PLCE1: variants seen among roughly 807,000 people sequenced by gnomAD.
PLCE1 encodes phospholipase C epsilon 1.
A neutral mutation model predicts 242.8 loss-of-function variants in PLCE1; 119 were observed. The observed-to-expected ratio is 0.49, with a 90% CI of 0.42 to 0.57. PLCE1 has a LOEUF of 0.57. Among genes scored for constraint, PLCE1 ranks in the 20% least tolerant of loss-of-function variants. PLCE1 has a pLI of 0.00. For synonymous variants in PLCE1, 945 were observed against 1,017.4 expected (o/e 0.93, Z 1.35); for missense variants, 2,441 against 2,788.8 (o/e 0.88, Z 2.81).
intron 1 of PLCE1, among the ~76,000 whole-genome samples, chr10:94,029,449 A>G (rs1382896916): frequency 6.6e-6 from 1 of 152,174 alleles, no homozygotes; most frequent in Non-Finnish European, 1.5e-5. Context: ...ATATATCTCT[A>G]TGTATGTTGA....
intron 1 of PLCE1, among the ~76,000 whole-genome samples, chr10:94,024,341 C>A (rs2061423291): frequency 2.0e-5 from 3 of 152,136 alleles, no homozygotes. Flanking sequence ...ACTTTAGTGT[C>A]TCTTTTCCGT....
intron 18 of PLCE1, among the ~76,000 whole-genome samples, 159 bp downstream of exon 18, chr10:94,270,761 T>A (rs1441217171): frequency 6.6e-6 from 1 of 151,916 alleles, no homozygotes; most frequent in Non-Finnish European, 1.5e-5. Flanking sequence ...CCTCTGCCTC[T>A]GAGGTTCAAG....
intron 4 of PLCE1, among the ~76,000 whole-genome samples, chr10:94,208,002 A>G (rs2049216765): frequency 6.6e-6 from 1 of 152,260 alleles, no homozygotes; most frequent in South Asian, 2.1e-4. Flanking sequence ...TGAAGGAAAT[A>G]TAAATCACCA....
chr10:94,215,572 G>A (rs1348129276), intron 4 of PLCE1, among the ~76,000 whole-genome samples: 1 of 152,168 alleles, frequency 6.6e-6, no homozygotes, highest in African/African-American at 2.4e-5. Context: ...TGTGGGAATG[G>A]AAAGTGAAGG....
intron 4 of PLCE1, among the ~76,000 whole-genome samples, chr10:94,225,612 C>T (rs2049912663): frequency 6.6e-6 from 1 of 152,084 alleles, no homozygotes; most frequent in Admixed American, 6.5e-5. Flanking sequence ...GCCTGGGCAA[C>T]GAAGCAAGAT....
chr10:94,267,537 T>A (rs2051561677), intron 16 of PLCE1, among the ~76,000 whole-genome samples: 1 of 152,224 alleles, frequency 6.6e-6, no homozygotes, highest in South Asian at 2.1e-4. Flanking sequence ...GAAGTGAGAA[T>A]AAGCCCTGTT....
intron 2 of PLCE1, among the ~76,000 whole-genome samples, chr10:94,051,858 A>T (rs540266919): frequency 1.2e-3 from 185 of 152,316 alleles, no homozygotes; most frequent in African/African-American, 4.2e-3. Context: ...TTGGCTTTAA[A>T]CTTAAAATTA....
chr10:94,315,531 G>C, intron 28 of PLCE1: 1 of 455,784 alleles, frequency 2.2e-6, no homozygotes, highest in Non-Finnish European at 4.4e-6. Context: ...CACTTTGGGA[G>C]GCCGAGGCGG....
At position 94,132,604 on chromosome 10, in the gene PLCE1, AGGTG is replaced by A. The variant is rs1359951486; in HGVS notation, c.1492+147_1492+150del. ...GTCGCTTCTTTAAGAGAATATAAAA[AGGTG>A]GTCCCTTATTAAAATCCCCTAAGGT... On this transcript the variant is annotated intron_variant, in intron 3 of 32. Coordinates refer to ENST00000371380, the MANE Select transcript of PLCE1 (RefSeq NM_016341.4). 51 of 780,792 alleles carry A rather than the reference AGGTG, an allele frequency of 6.5e-5. No homozygotes were observed. The Admixed American group carries it at 7.9e-4, about 12-fold the overall frequency. 48.4% of individuals were successfully genotyped at this position (780,792 alleles called of 1,614,324 possible).
intron 4 of PLCE1, among the ~76,000 whole-genome samples, chr10:94,211,272 G>A (rs1445394309): frequency 6.6e-6 from 1 of 152,202 alleles, no homozygotes. Flanking sequence ...CAGTAAGCCT[G>A]CCTATGAAGG....
chr10:94,108,684 G>A (rs1379793059), intron 2 of PLCE1: 1 of 152,118 alleles, frequency 6.6e-6, no homozygotes, highest in Non-Finnish European at 1.5e-5. Flanking sequence ...CTAGCCCTGT[G>A]ACTTGGAAGA....
chr10:94,273,268 GT>G (rs1184536324), intron 18 of PLCE1, among the ~76,000 whole-genome samples: 2 of 152,268 alleles, frequency 1.3e-5, no homozygotes, highest in East Asian at 3.9e-4. Flanking sequence ...CTGATTCTCT[GT>G]TTTCTTATTT....
At chr10:94,153,551 C>A (rs1214331598) in intron 3 of PLCE1, among the ~76,000 whole-genome samples, 1 of 151,856 alleles carries the variant, frequency 6.6e-6, no homozygotes, top group East Asian at 1.9e-4. Flanking sequence ...GGCAGTTAGG[C>A]AACAAAAATA....
At chr10:94,080,723 C>A (rs2044631605) in intron 2 of PLCE1, among the ~76,000 whole-genome samples, 1 of 152,160 alleles carries the variant, frequency 6.6e-6, no homozygotes, top group Non-Finnish European at 1.5e-5. Flanking sequence ...GTTATCCAGG[C>A]ACTTCTGTAT....
chr10:94,194,356 C>T (rs544127170), intron 4 of PLCE1, among the ~76,000 whole-genome samples: 1 of 152,304 alleles, frequency 6.6e-6, no homozygotes, highest in African/African-American at 2.4e-5. Flanking sequence ...GCCCTCTGTT[C>T]TTAATTTTTT....
rs559496577 is a variant in PLCE1, at chr10:94,071,495, G to GTTT, written c.1206+39262_1206+39264dup. Among the ~76,000 whole-genome samples the GTTT allele has an allele frequency of 1.3e-3, 111 of 83,294 alleles. 8 individuals are homozygous for GTTT. The highest frequency in any genetic ancestry group is 3.1e-3 in the East Asian group (7 of 2,282). The allele number at this position is 83,294 out of a possible 152,430, so 54.6% of individuals were successfully genotyped here. ...GTCTGTGTGTGTGTGTTTGGTTTTC[G>GTTT]TTTTTTTTTTTTTTTTTTTTTGAGT... is the stretch of plus-strand genomic sequence containing the variant. On this transcript the variant is annotated intron_variant, in intron 2 of 32. Coordinates refer to ENST00000371380, the MANE Select transcript of PLCE1 (RefSeq NM_016341.4).
intron 7 of PLCE1, among the ~76,000 whole-genome samples, chr10:94,245,737 G>T (rs903323827): frequency 2.0e-5 from 3 of 152,328 alleles, no homozygotes; most frequent in African/African-American, 7.2e-5. Context: ...TCCACCCTCA[G>T]CCTCCCAAAG....
chr10:94,313,206 A>C (rs749802264), intron 27 of PLCE1, 48 bp from the exon 28 acceptor site: 1 of 1,609,582 alleles, frequency 6.2e-7, no homozygotes, highest in South Asian at 1.1e-5. Flanking sequence ...TAGAGCTTAG[A>C]AATATGTGAT....
intron 29 of PLCE1, 21 bp downstream of exon 29, chr10:94,316,777 C>A (rs1260688278): frequency 1.2e-5 from 19 of 1,543,898 alleles, no homozygotes; most frequent in Non-Finnish European, 1.7e-5. Context: ...CTGGGTGCAG[C>A]CTACACAGTA....
Sources: allele counts gnomAD v4.1 joint callset (sites outside exome capture counted in the v4.1 genomes callset), GRCh38; gene constraint gnomAD v4.1.1; transcripts MANE v1.5; gene names NCBI Gene and HGNC (gene_info 2026-07-23, HGNC 2026-07-21).